AGMO: variants seen among roughly 807,000 people sequenced by gnomAD.
AGMO encodes alkylglycerol monooxygenase, also known as glyceryl-ether monooxygenase.
Under a neutral mutation model 60.2 loss-of-function variants are expected in AGMO, and 75 were observed. The observed-to-expected ratio is 1.25, with a 90% CI of 1.03 to 1.51. The LOEUF (loss-of-function observed/expected upper bound fraction) is 1.51, where lower values mean the gene tolerates loss of function less well. Ranked by LOEUF, AGMO falls within the 40% of genes most tolerant of loss-of-function variation. The probability of loss-of-function intolerance (pLI) is 0.00; values close to 1 mark genes in which losing one functional copy is unlikely to be tolerated. For synonymous variants in AGMO, 261 were observed against 177.1 expected, an observed-to-expected ratio of 1.47 and a Z score of -3.76; for missense variants, 763 against 525.5, an observed-to-expected ratio of 1.45 and a Z score of -4.42.
At chr7:15,417,106 A>T (rs938162028) in intron 5 of AGMO, among the ~76,000 whole-genome samples, 2 of 152,224 alleles carry the variant, frequency 1.3e-5, no homozygotes, top group African/African-American at 4.8e-5. Context: ...AAATTCCAAG[A>T]TCCAAACCAT....
intron 3 of AGMO, among the ~76,000 whole-genome samples, chr7:15,441,191 T>A (rs1781544635): frequency 6.6e-6 from 1 of 152,226 alleles, no homozygotes; most frequent in African/African-American, 2.4e-5. Context: ...TAAGGGAGTT[T>A]ACTACACTTC....
intron 12 of AGMO, among the ~76,000 whole-genome samples, chr7:15,202,454 T>C (rs1481297435): frequency 5.7e-5 from 1 of 17,636 alleles, no homozygotes; most frequent in South Asian, 1.6e-3. Flanking sequence ...AAAATACAAA[T>C]GAGCAAAAAA....
the AGMO span, among the ~76,000 whole-genome samples, chr7:15,155,640 C>G: frequency 6.6e-6 from 1 of 151,888 alleles, no homozygotes; most frequent in Non-Finnish European, 1.5e-5. Flanking sequence ...GTCATTTAAT[C>G]TATTTCAATC....
chr7:15,162,383 G>A, the AGMO span, among the ~76,000 whole-genome samples: 1 of 152,136 alleles, frequency 6.6e-6, no homozygotes, highest in Non-Finnish European at 1.5e-5. Context: ...GCCATTTTAG[G>A]ATGGGGTGAT....
intron 5 of AGMO, among the ~76,000 whole-genome samples, chr7:15,409,432 A>G (rs1468024266): frequency 6.6e-6 from 1 of 151,924 alleles, no homozygotes; most frequent in Non-Finnish European, 1.5e-5. Flanking sequence ...TTCTCCCATG[A>G]ATGCTGTGTT....
chr7:15,446,547 A>G (rs1328516060), intron 3 of AGMO, among the ~76,000 whole-genome samples: 2 of 152,226 alleles, frequency 1.3e-5, no homozygotes, highest in African/African-American at 4.8e-5. Flanking sequence ...CACATGTAAA[A>G]CATGAAACAC....
At chr7:15,123,443 CAAT>C in the AGMO span, among the ~76,000 whole-genome samples, 26 of 151,240 alleles carry the variant, frequency 1.7e-4, no homozygotes, top group Middle Eastern at 3.4e-3. Flanking sequence ...AGAAGGCCCT[CAAT>C]AATATTTGCG....
intron 9 of AGMO, among the ~76,000 whole-genome samples, chr7:15,386,731 T>G (rs1783930599): frequency 1.3e-5 from 2 of 152,204 alleles, no homozygotes; most frequent in African/African-American, 4.8e-5. Context: ...CTTCCTATTG[T>G]TTCTGCATTA....
the AGMO span, among the ~76,000 whole-genome samples, chr7:15,126,780 G>A: frequency 1.1e-4 from 16 of 152,178 alleles, no homozygotes; most frequent in South Asian, 3.3e-3. Flanking sequence ...ACATTCTATA[G>A]AGAATCCTCT....
chr7:15,175,093 C>T, the AGMO span, among the ~76,000 whole-genome samples: 18 of 151,774 alleles, frequency 1.2e-4, no homozygotes, highest in African/African-American at 4.1e-4. Context: ...AAAAACTTAC[C>T]TAACTGTGTT....
intron 3 of AGMO, among the ~76,000 whole-genome samples, chr7:15,465,054 T>G (rs905339046): frequency 6.6e-6 from 1 of 152,162 alleles, no homozygotes; most frequent in Non-Finnish European, 1.5e-5. Context: ...GGAAGCACTA[T>G]CTTTTACTGG....
intron 3 of AGMO, among the ~76,000 whole-genome samples, chr7:15,443,937 C>A (rs967757426): frequency 2.0e-5 from 3 of 152,112 alleles, no homozygotes; most frequent in Non-Finnish European, 4.4e-5. Flanking sequence ...TTGCATATGT[C>A]ATTTTCTTCA....
At chr7:15,491,672 C>T (rs550305684) in intron 3 of AGMO, among the ~76,000 whole-genome samples, 1 of 152,292 alleles carries the variant, frequency 6.6e-6, no homozygotes, top group Non-Finnish European at 1.5e-5. Flanking sequence ...ATGTGATACA[C>T]TGTGAGAACA....
intron 12 of AGMO, among the ~76,000 whole-genome samples, chr7:15,308,294 C>A (rs1038115740): frequency 2.6e-5 from 4 of 152,086 alleles, no homozygotes; most frequent in Non-Finnish European, 1.5e-5. Context: ...TATAAATTTG[C>A]ATATTTTTTC....
chr7:15,346,098 G>A (rs1000973291), intron 12 of AGMO, among the ~76,000 whole-genome samples: 5 of 152,072 alleles, frequency 3.3e-5, no homozygotes, highest in African/African-American at 1.2e-4. Flanking sequence ...CCGCTTGGTT[G>A]GTATAGCCAA....
intron 3 of AGMO, among the ~76,000 whole-genome samples, chr7:15,522,420 G>A (rs1476723034): frequency 6.6e-6 from 1 of 152,074 alleles, no homozygotes. Flanking sequence ...GAAGAAAGCT[G>A]GAAGCATCAT....
chr7:15,531,916 G>T (rs1277701221), intron 3 of AGMO, among the ~76,000 whole-genome samples: 1 of 151,818 alleles, frequency 6.6e-6, no homozygotes, highest in Non-Finnish European at 1.5e-5. Context: ...TGATCTGCCT[G>T]CCTTGGCCTC....
the AGMO span, among the ~76,000 whole-genome samples, chr7:15,159,608 A>C: frequency 1.3e-5 from 2 of 152,336 alleles, no homozygotes; most frequent in Admixed American, 1.3e-4. Flanking sequence ...ACAACATGAA[A>C]GAATCTGTAC....
At chr7:15,387,301 C>A in intron 9 of AGMO, 105 bp downstream of exon 9, 3 of 1,316,750 alleles carry the variant, frequency 2.3e-6, no homozygotes, top group East Asian at 2.3e-5. Flanking sequence ...ACTGGGGGAA[C>A]ATCTTTTTAC....
Sources: gnomAD v4.1 joint callset for allele counts (sites outside exome capture counted in the v4.1 genomes callset) on GRCh38, gnomAD v4.1.1 for gene constraint, MANE v1.5 for transcripts, NCBI Gene and HGNC (gene_info 2026-07-23, HGNC 2026-07-21) for gene names.